Variants in SGCZ observed in about 807,000 individuals in gnomAD.
SGCZ encodes the protein zeta-sarcoglycan.
In SGCZ, 40 loss-of-function variants were observed where a neutral mutation model predicts 41.3. That is an observed-to-expected ratio of 0.97 (90% CI 0.75 to 1.26). The LOEUF (loss-of-function observed/expected upper bound fraction) is 1.26, where lower values mean the gene tolerates loss of function less well. Ranked by LOEUF, SGCZ falls within the 50% of genes most tolerant of loss-of-function variation. The pLI, the probability that SGCZ is intolerant of heterozygous loss-of-function variation, is 0.00. For missense variants in SGCZ, 552 were observed against 369.8 expected, an observed-to-expected ratio of 1.49 and a Z score of -4.04; for synonymous variants, 206 against 137.5, an observed-to-expected ratio of 1.50 and a Z score of -3.49.
At chr8:14,996,309 G>T (rs866014472) in intron 1 of SGCZ, among the ~76,000 whole-genome samples, 10 of 152,216 alleles carry the variant, frequency 6.6e-5, no homozygotes, top group African/African-American at 2.2e-4. Context: ...TGAAAAGCAT[G>T]TCTCTTTAAC....
intron 2 of SGCZ, among the ~76,000 whole-genome samples, chr8:14,407,411 G>A (rs777728678): frequency 1.3e-5 from 2 of 152,032 alleles, no homozygotes; most frequent in Non-Finnish European, 1.5e-5. Flanking sequence ...AAATTTTAAG[G>A]TGGTTGCTAA....
chr8:14,975,459 A>C (rs561181427), intron 1 of SGCZ, among the ~76,000 whole-genome samples: 1 of 152,168 alleles, frequency 6.6e-6, no homozygotes, highest in Admixed American at 6.5e-5. Flanking sequence ...ACAATCTGAA[A>C]GATATGTAGG....
chr8:14,995,965 G>A (rs1161093068), intron 1 of SGCZ, among the ~76,000 whole-genome samples: 1 of 151,998 alleles, frequency 6.6e-6, no homozygotes, highest in Non-Finnish European at 1.5e-5. Context: ...GTGCAGTGGT[G>A]TGATCTCGCC....
chr8:14,098,437 C>T (rs1254010851), intron 7 of SGCZ, among the ~76,000 whole-genome samples: 1 of 152,114 alleles, frequency 6.6e-6, no homozygotes, highest in Non-Finnish European at 1.5e-5. Context: ...ACACTTGTGG[C>T]TCTCTTCTCC....
chr8:14,514,708 C>T (rs1390033445), intron 2 of SGCZ, among the ~76,000 whole-genome samples: 5 of 147,750 alleles, frequency 3.4e-5, no homozygotes, highest in Non-Finnish European at 4.5e-5. Flanking sequence ...TATGTACACA[C>T]ATTTACATAT....
At chr8:15,143,422 G>GA (rs545919182) in intron 1 of SGCZ, among the ~76,000 whole-genome samples, 38 of 151,720 alleles carry the variant, frequency 2.5e-4, no homozygotes, top group African/African-American at 6.8e-4. Context: ...GCTCTCACAG[G>GA]AAAAAAAATG....
intron 1 of SGCZ, among the ~76,000 whole-genome samples, chr8:14,565,203 A>AT (rs945163263): frequency 6.6e-6 from 1 of 152,100 alleles, no homozygotes; most frequent in Non-Finnish European, 1.5e-5. Flanking sequence ...TTAAAAAATA[A>AT]TTTTTTTCAG....
intron 5 of SGCZ, among the ~76,000 whole-genome samples, chr8:14,144,652 T>C (rs1803468722): frequency 6.6e-6 from 1 of 152,166 alleles, no homozygotes; most frequent in African/African-American, 2.4e-5. Flanking sequence ...CATTGCCACA[T>C]GGGTGTAGAG....
intron 5 of SGCZ, among the ~76,000 whole-genome samples, chr8:14,132,338 TACACA>T (rs1803067159): frequency 6.6e-6 from 1 of 152,208 alleles, no homozygotes. Flanking sequence ...GTAATATGTG[TACACA>T]ACACATGATT....
intron 2 of SGCZ, among the ~76,000 whole-genome samples, chr8:14,411,143 T>A (rs28483126): frequency 6.6e-6 from 1 of 151,938 alleles, no homozygotes; most frequent in Admixed American, 6.6e-5. Context: ...TCTGCTATTA[T>A]TGAGATTAAG....
intron 2 of SGCZ, among the ~76,000 whole-genome samples, chr8:14,481,639 T>G (rs1441442271): frequency 6.6e-6 from 1 of 152,176 alleles, no homozygotes; most frequent in Non-Finnish European, 1.5e-5. Context: ...CCTCTGGTAG[T>G]TAAAGTGGAA....
chr8:14,603,102 C>T (rs1805645409), intron 1 of SGCZ, among the ~76,000 whole-genome samples: 1 of 152,094 alleles, frequency 6.6e-6, no homozygotes, highest in African/African-American at 2.4e-5. Flanking sequence ...TGTGAAGGAG[C>T]TAGGTGGCCT....
intron 1 of SGCZ, among the ~76,000 whole-genome samples, chr8:14,687,169 A>T (rs538572878): frequency 1.5e-3 from 190 of 127,044 alleles, no homozygotes; most frequent in Middle Eastern, 7.9e-3. Context: ...AAAGAAAAAA[A>T]AAATATATAT....
At chr8:14,645,864 C>G (rs72607329) in intron 1 of SGCZ, among the ~76,000 whole-genome samples, 28,995 of 151,584 alleles carry the variant, frequency 0.19, 3,265 homozygotes, top group East Asian at 0.58. Context: ...CATTGTTTTA[C>G]TCAATTAAAC....
At chr8:15,172,164 T>TATTTATTTATTTAA (rs10643012) in intron 1 of SGCZ, among the ~76,000 whole-genome samples, 1 of 108,568 alleles carries the variant, frequency 9.2e-6, no homozygotes, top group Non-Finnish European at 2.0e-5. Flanking sequence ...GTTTTTTTTT[T>TATTTATTTATTTAA]TTTTTTTTTT....
At chr8:14,601,843 G>C (rs1265634136) in intron 1 of SGCZ, among the ~76,000 whole-genome samples, 1 of 152,086 alleles carries the variant, frequency 6.6e-6, no homozygotes, top group Admixed American at 6.6e-5. Context: ...ATGTGGTGCC[G>C]GGCGCGGTGG....
At chr8:14,193,263 TA>T (rs899481491) in intron 4 of SGCZ, among the ~76,000 whole-genome samples, 2 of 151,932 alleles carry the variant, frequency 1.3e-5, no homozygotes, top group Admixed American at 6.6e-5. Context: ...ATTTGTGATA[TA>T]TTTTTTTCAT....
At chr8:14,133,044 A>T (rs1019706997) in intron 5 of SGCZ, among the ~76,000 whole-genome samples, 4 of 152,284 alleles carry the variant, frequency 2.6e-5, no homozygotes, top group South Asian at 2.1e-4. Context: ...CAAAATGAAT[A>T]AAAAAACCAC....
At chr8:15,136,423 T>C (rs1808107092) in intron 1 of SGCZ, among the ~76,000 whole-genome samples, 1 of 151,646 alleles carries the variant, frequency 6.6e-6, no homozygotes, top group Non-Finnish European at 1.5e-5. Flanking sequence ...AGATGACTTA[T>C]TTGAGTTGAC....
Sources: allele counts gnomAD v4.1 joint callset (sites outside exome capture counted in the v4.1 genomes callset), GRCh38; gene constraint gnomAD v4.1.1; transcripts MANE v1.5; gene names NCBI Gene and HGNC (gene_info 2026-07-23, HGNC 2026-07-21).